The following KIF23 variants were observed in gnomAD, a reference collection of about 807,000 sequenced individuals.
KIF23 encodes kinesin-like protein KIF23.
Under a neutral mutation model 137.5 loss-of-function variants are expected in KIF23, and 30 were observed. The observed-to-expected ratio is 0.22, with a 90% CI of 0.16 to 0.30. KIF23 has a LOEUF of 0.30. Among genes scored for constraint, KIF23 ranks in the 10% least tolerant of loss-of-function variants. The pLI, the probability that KIF23 is intolerant of heterozygous loss-of-function variation, is 1.00. For missense variants in KIF23, 920 were observed against 1,194.3 expected (o/e 0.77, Z 3.38); for synonymous variants, 367 against 391.1 (o/e 0.94, Z 0.73).
chr15:69,442,952 G>C (rs1279166261), intron 19 of KIF23, among the ~76,000 whole-genome samples: 1 of 152,206 alleles, frequency 6.6e-6, no homozygotes, highest in Non-Finnish European at 1.5e-5. Context: ...AATGCTAGTA[G>C]ATTGTATGGA....
chr15:69,417,960 A>T (rs1253518723), intron 3 of KIF23, among the ~76,000 whole-genome samples: 1 of 152,224 alleles, frequency 6.6e-6, no homozygotes, highest in Non-Finnish European at 1.5e-5. Flanking sequence ...CTAAGCTAAT[A>T]GTTGGAGGGT....
intron 18 of KIF23, 134 bp downstream of exon 18, chr15:69,440,621 T>C (rs2057592582): frequency 1.7e-6 from 2 of 1,145,152 alleles, no homozygotes; most frequent in African/African-American, 3.1e-5. Context: ...TTTTAAAATT[T>C]AGAATAAACA....
rs755658047 is a variant in KIF23, at chr15:69,435,576, T to A, written c.1194+14T>A. 12 of 1,613,680 alleles carry A rather than the reference T, an allele frequency of 7.4e-6. No individual in the cohort carries two copies. In the African/African-American group the frequency reaches 1.3e-4, roughly 18 times the overall value. ...GGAACTAACAAGGTAAGCAGCAGCC[T>A]TCTCTGTTCTTTTGTATAGTTTCAT... On this transcript the variant is annotated intron_variant, in intron 12 of 23. Transcript: ENST00000679126.
chr15:69,435,032 G>A, intron 11 of KIF23: 2 of 579,272 alleles, frequency 3.5e-6, no homozygotes, highest in Non-Finnish European at 3.1e-6. Flanking sequence ...CATCTCCCTG[G>A]TGTGGTCCCC....
At chr15:69,435,145 T>C in intron 11 of KIF23, 1 of 459,498 alleles carries the variant, frequency 2.2e-6, no homozygotes, top group Non-Finnish European at 3.8e-6. Context: ...AGAATATATT[T>C]TAATATGAGG....
At chr15:69,446,391 G>A in intron 22 of KIF23, 27 bp downstream of exon 22, 1 of 1,575,870 alleles carries the variant, frequency 6.3e-7, no homozygotes, top group Non-Finnish European at 8.7e-7. Flanking sequence ...ATATTTGTCT[G>A]CCTACTAAAA....
intron 19 of KIF23, 53 bp downstream of exon 19, chr15:69,441,132 G>GT (rs1338226975): frequency 1.9e-5 from 28 of 1,460,554 alleles, no homozygotes; most frequent in Non-Finnish European, 2.5e-5. Context: ...TATCTTCTTT[G>GT]TTTTTTGTAA....
chr15:69,422,754 G>A (rs993251781), intron 6 of KIF23: 11 of 305,772 alleles, frequency 3.6e-5, no homozygotes, highest in African/African-American at 2.2e-4. Context: ...ATTTCTGCTT[G>A]TAATTGCAGA....
chr15:69,440,327 A>G lies in KIF23; in HGVS notation c.1949A>G (p.Lys650Arg), dbSNP rs201620186. The G allele has an allele frequency of 1.9e-6, 3 of 1,613,142 alleles. No individual in the cohort carries two copies. The highest frequency in any genetic ancestry group is 1.7e-5 in the Admixed American group (1 of 59,812). Residue 650 changes from lysine (K) to arginine (R), a missense_variant, in exon 18 of 24, where the codon AAA becomes AGA. Coordinates refer to ENST00000679126, the MANE Select transcript of KIF23 (RefSeq NM_001367805.3). Reference protein sequence around the residue: ...EKECERRVAAKQLEMQNKLWV... With the variant: ...EKECERRVAARQLEMQNKLWV... ...CTGTAGGAGCGTAGAGTGGCAGCCA[A>G]ACAGCTGGAGATGCAGAATAAACTC...
At chr15:69,422,791 T>G (rs1047549789) in intron 6 of KIF23, 49 of 281,532 alleles carry the variant, frequency 1.7e-4, no homozygotes, top group African/African-American at 1.1e-3. Context: ...TAGTTTCCCC[T>G]TGGGATCAGT....
rs1431889551 is a variant in KIF23, at chr15:69,446,314, C to T, written c.2788C>T (p.Pro930Ser). ...SRKRRSSTVAPAQPDGAESEW... is the reference protein window; with the variant it reads ...SRKRRSSTVASAQPDGAESEW... ...AAAACGAAGATCTTCCACAGTAGCA[C>T]CTGCCCAACCAGATGGTGCAGAGTC... Residue 930 changes from proline to serine, a missense_variant, in exon 22 of 24, where the codon CCT (proline) becomes TCT (serine). Pro to Ser is a moderately conservative substitution (Grantham distance 74). This residue lies in a region of KIF23 where 75 missense variants were observed against 177.9 expected (regional missense o/e 0.42). Coordinates refer to ENST00000679126, the MANE Select transcript of KIF23 (RefSeq NM_001367805.3). 16 of 1,614,148 alleles carry T rather than the reference C, an allele frequency of 9.9e-6. No individual in the cohort carries two copies. Among genetic ancestry groups the T allele is most frequent in the Non-Finnish European group, 1.4e-5 (16 of 1,179,986 alleles).
intron 3 of KIF23, among the ~76,000 whole-genome samples, chr15:69,420,841 A>G (rs1453257160): frequency 6.6e-6 from 1 of 152,028 alleles, no homozygotes; most frequent in Non-Finnish European, 1.5e-5. Flanking sequence ...CTGGTCTCTT[A>G]ACTCATGGCC....
intron 8 of KIF23, 51 bp downstream of exon 8, chr15:69,425,374 A>G (rs1019348739): frequency 1.6e-5 from 24 of 1,456,086 alleles, no homozygotes; most frequent in African/African-American, 1.1e-4. Flanking sequence ...CAGTTATACT[A>G]TGGTTGGCAT....
chr15:69,435,895 A>G, intron 13 of KIF23, 124 bp downstream of exon 13: 2 of 1,355,968 alleles, frequency 1.5e-6, no homozygotes, highest in Non-Finnish European at 2.0e-6. Context: ...TGTAGAAGTA[A>G]ACTAGGCTTG....
intron 19 of KIF23, 104 bp downstream of exon 19, chr15:69,441,183 G>A: frequency 6.0e-6 from 6 of 995,800 alleles, no homozygotes; most frequent in Non-Finnish European, 8.7e-6. Context: ...TTGGGCTATA[G>A]TATAAAGAAG....
At chr15:69,438,844 C>T (rs1008372338) in intron 16 of KIF23, among the ~76,000 whole-genome samples, 1 of 151,968 alleles carries the variant, frequency 6.6e-6, no homozygotes, top group Non-Finnish European at 1.5e-5. Context: ...GGGCTCATGC[C>T]TGTAGTCTCA....
rs781591277 is a variant in KIF23 at position 69,426,318 on chromosome 15, AT to A, written c.890-15del. On this transcript the variant is annotated splice_polypyrimidine_tract_variant and intron_variant, in intron 9 of 23. Coordinates refer to ENST00000679126, the MANE Select transcript of KIF23 (RefSeq NM_001367805.3). ...TGACTGAGTTCAGGTTTGACCAATGATTTCTCTGTTGTCCTAGGCCAGAAAA... is the reference window on the plus strand; with the variant it reads ...TGACTGAGTTCAGGTTTGACCAATGATTCTCTGTTGTCCTAGGCCAGAAAA... 1 of 1,613,034 alleles carries A rather than the reference AT, an allele frequency of 6.2e-7. No homozygotes were observed. Among genetic ancestry groups the A allele is most frequent in the South Asian group, 1.1e-5 (1 of 90,744 alleles).
chr15:69,435,878 C>G, intron 13 of KIF23, 107 bp downstream of exon 13: 1 of 1,424,562 alleles, frequency 7.0e-7, no homozygotes, highest in Non-Finnish European at 9.6e-7. Context: ...GATAGAGAAC[C>G]ATTGATTGTA....
chr15:69,419,870 A>G (rs972389763), intron 3 of KIF23, among the ~76,000 whole-genome samples: 2 of 152,218 alleles, frequency 1.3e-5, no homozygotes, highest in African/African-American at 4.8e-5. Context: ...TCAAGTATGT[A>G]TAAATATAGG....
Sources: allele counts gnomAD v4.1 joint callset (sites outside exome capture counted in the v4.1 genomes callset), GRCh38; gene constraint gnomAD v4.1.1; regional missense constraint gnomAD v4.1.1; transcripts MANE v1.5; gene names NCBI Gene and HGNC (gene_info 2026-07-23, HGNC 2026-07-21).